PDZRN4: variants seen among roughly 807,000 people sequenced by gnomAD.
The protein encoded by PDZRN4 is PDZ domain-containing RING finger protein 4.
A neutral mutation model predicts 99.0 loss-of-function variants in PDZRN4; 70 were observed. That is an observed-to-expected ratio of 0.71 (90% CI 0.58 to 0.86). The LOEUF is 0.86. Among genes scored for constraint, PDZRN4 ranks in the 40% least tolerant of loss-of-function variants. The pLI is 0.00. For synonymous variants in PDZRN4, 551 were observed against 501.6 expected, an observed-to-expected ratio of 1.10 and a Z score of -1.32; for missense variants, 1,474 against 1,331.2, an observed-to-expected ratio of 1.11 and a Z score of -1.67.
At chr12:41,304,992 T>C (rs1268099988) in intron 3 of PDZRN4, among the ~76,000 whole-genome samples, 1 of 152,346 alleles carries the variant, frequency 6.6e-6, no homozygotes, top group East Asian at 1.9e-4. Context: ...CAGGCAAGAA[T>C]AGCAGATTAA....
chr12:41,465,654 C>T (rs1794101437), intron 3 of PDZRN4, among the ~76,000 whole-genome samples: 1 of 152,182 alleles, frequency 6.6e-6, no homozygotes, highest in Non-Finnish European at 1.5e-5. Context: ...TTCCTTCTCC[C>T]CACTGCCATA....
At chr12:41,425,536 G>A (rs1952528534) in intron 3 of PDZRN4, among the ~76,000 whole-genome samples, 1 of 152,054 alleles carries the variant, frequency 6.6e-6, no homozygotes, top group Admixed American at 6.6e-5. Context: ...TAAAGGAGAG[G>A]TCTTCAAATA....
intron 3 of PDZRN4, among the ~76,000 whole-genome samples, chr12:41,390,351 G>T (rs1952201312): frequency 6.6e-6 from 1 of 151,854 alleles, no homozygotes; most frequent in Non-Finnish European, 1.5e-5. Context: ...TAATGTTTTT[G>T]CTATACCATT....
chr12:41,253,181 C>T (rs1465177321), intron 3 of PDZRN4, among the ~76,000 whole-genome samples: 1 of 152,098 alleles, frequency 6.6e-6, no homozygotes, highest in Non-Finnish European at 1.5e-5. Context: ...GATGTCATCC[C>T]AGTTGTCTAT....
intron 3 of PDZRN4, among the ~76,000 whole-genome samples, chr12:41,408,240 C>T (rs865843740): frequency 2.0e-5 from 3 of 152,172 alleles, no homozygotes; most frequent in Admixed American, 6.5e-5. Context: ...ATTTCACCTT[C>T]GTGGAAACAT....
intron 3 of PDZRN4, among the ~76,000 whole-genome samples, chr12:41,385,150 G>A (rs1341816233): frequency 3.3e-5 from 5 of 152,170 alleles, no homozygotes; most frequent in African/African-American, 1.2e-4. Flanking sequence ...AAATAATACT[G>A]TATAGTAGAA....
chr12:41,368,913 A>G (rs7964671), intron 3 of PDZRN4, among the ~76,000 whole-genome samples: 96,043 of 151,738 alleles, frequency 0.63, 30,890 homozygotes, highest in East Asian at 0.78. Flanking sequence ...CAATGGAAGT[A>G]TACTGTTTCA....
chr12:41,256,009 T>G (rs1036166402), intron 3 of PDZRN4, among the ~76,000 whole-genome samples: 8 of 152,138 alleles, frequency 5.3e-5, no homozygotes, highest in African/African-American at 1.9e-4. Context: ...ACATAAGATT[T>G]GGAGGGGACA....
Position 41,258,968 on chromosome 12 carries a change from C to CG in PDZRN4, c.843+64787dup, listed in dbSNP as rs201395048. Among the ~76,000 whole-genome samples, 911 of 151,820 alleles carry CG rather than the reference C, an allele frequency of 6.0e-3. 2 individuals are homozygous for CG. Among genetic ancestry groups the CG allele is most frequent in the Non-Finnish European group, 0.01 (680 of 67,880 alleles). The stretch of plus-strand genomic sequence containing the variant: ...AAAGACACTAGTAAGTAGTACATGG[C>CG]GGGGGGGCACTACAATTCATTAACA... On this transcript the variant is annotated intron_variant, in intron 3 of 9. Transcript: ENST00000402685.
intron 3 of PDZRN4, among the ~76,000 whole-genome samples, chr12:41,382,077 G>C (rs1206740427): frequency 6.6e-6 from 1 of 152,126 alleles, no homozygotes; most frequent in African/African-American, 2.4e-5. Context: ...AATCACCTTT[G>C]GTCAAATGGG....
chr12:41,379,625 G>T (rs1207034249), intron 3 of PDZRN4, among the ~76,000 whole-genome samples: 1 of 151,290 alleles, frequency 6.6e-6, no homozygotes, highest in Admixed American at 6.6e-5. Flanking sequence ...GTTTAGGAGT[G>T]TGTTGTTTAA....
chr12:41,380,056 A>G (rs1178481974), intron 3 of PDZRN4, among the ~76,000 whole-genome samples: 1 of 152,038 alleles, frequency 6.6e-6, no homozygotes, highest in Admixed American at 6.6e-5. Context: ...CAATTGTTAT[A>G]TCTTTTTGAT....
intron 3 of PDZRN4, among the ~76,000 whole-genome samples, chr12:41,424,745 ACT>A (rs1952521232): frequency 1.3e-5 from 2 of 152,152 alleles, no homozygotes; most frequent in African/African-American, 2.4e-5. Context: ...CCTCTGAGTG[ACT>A]TTTCTCCAGA....
rs1015778046 is a variant in PDZRN4, at chr12:41,475,903, G to A, written c.844-30553G>A. Among the ~76,000 whole-genome samples, 6 of 151,620 alleles carry A rather than the reference G, an allele frequency of 4.0e-5. No individual in the cohort carries two copies. In the South Asian group the frequency reaches 1.3e-3, roughly 32 times the overall value. On this transcript the variant is annotated intron_variant, in intron 3 of 9. Coordinates refer to ENST00000402685, the MANE Select transcript of PDZRN4 (RefSeq NM_001164595.2). ...TAAATGTTGTCTGTACCATTTTTTG[G>A]CACTTGCTACTTGGTATTTTAAGCT... is the stretch of plus-strand genomic sequence containing the variant.
chr12:41,407,423 A>C (rs769745081), intron 3 of PDZRN4, among the ~76,000 whole-genome samples: 2 of 152,220 alleles, frequency 1.3e-5, no homozygotes, highest in Non-Finnish European at 2.9e-5. Flanking sequence ...CCCTGGCTGG[A>C]TAACCCATTT....
At chr12:41,325,490 T>A (rs1592012825) in intron 3 of PDZRN4, among the ~76,000 whole-genome samples, 1 of 152,138 alleles carries the variant, frequency 6.6e-6, no homozygotes, top group Non-Finnish European at 1.5e-5. Context: ...GGAAATAAGA[T>A]AAGACGGGTT....
intron 3 of PDZRN4, among the ~76,000 whole-genome samples, chr12:41,343,166 T>C (rs906489113): frequency 6.6e-6 from 1 of 151,924 alleles, no homozygotes; most frequent in Non-Finnish European, 1.5e-5. Flanking sequence ...CTTCCTGATT[T>C]AATCTGGGAG....
At chr12:41,541,688 C>T (rs1938859370) in intron 5 of PDZRN4, among the ~76,000 whole-genome samples, 1 of 152,130 alleles carries the variant, frequency 6.6e-6, no homozygotes, top group South Asian at 2.1e-4. Flanking sequence ...CTCCTGACCT[C>T]ATGATCCGCC....
chr12:41,256,036 G>A (rs1438638601), intron 3 of PDZRN4, among the ~76,000 whole-genome samples: 3 of 151,984 alleles, frequency 2.0e-5, no homozygotes, highest in Non-Finnish European at 2.9e-5. Context: ...AAATCATATC[G>A]GCTCTTGAGG....
Sources: allele counts gnomAD v4.1 joint callset (sites outside exome capture counted in the v4.1 genomes callset), GRCh38; gene constraint gnomAD v4.1.1; transcripts MANE v1.5; gene names NCBI Gene and HGNC (gene_info 2026-07-23, HGNC 2026-07-21).